Variants in CYLD observed in about 807,000 individuals in gnomAD.
The protein encoded by CYLD is ubiquitin carboxyl-terminal hydrolase CYLD.
A neutral mutation model predicts 104.5 loss-of-function variants in CYLD; 26 were observed. The ratio of observed to expected loss-of-function variants is 0.25; its 90% CI spans 0.18 to 0.35. CYLD has a LOEUF of 0.35. Among genes scored for constraint, CYLD ranks in the 10% least tolerant of loss-of-function variants. The pLI is 1.00. For synonymous variants in CYLD, 385 were observed against 399.9 expected (o/e 0.96, Z 0.45); for missense variants, 703 against 1,136.1 (o/e 0.62, Z 5.48).
chr16:50,790,397 A>T (rs1971309139), intron 14 of CYLD, among the ~76,000 whole-genome samples: 1 of 152,100 alleles, frequency 6.6e-6, no homozygotes, highest in South Asian at 2.1e-4. Flanking sequence ...TGCCATTATT[A>T]TGATTACAAC....
At chr16:50,782,940 T>C (rs1306353646) in intron 11 of CYLD, among the ~76,000 whole-genome samples, 2 of 145,894 alleles carry the variant, frequency 1.4e-5, no homozygotes, top group Non-Finnish European at 3.0e-5. Flanking sequence ...TTTTTTTTTT[T>C]TTGAGACAGA....
At chr16:50,768,077 G>T (rs1968714652) in intron 5 of CYLD, among the ~76,000 whole-genome samples, 1 of 152,082 alleles carries the variant, frequency 6.6e-6, no homozygotes, top group Non-Finnish European at 1.5e-5. Context: ...AGTTATCATT[G>T]TCATTATTGC....
At chr16:50,771,058 TCTC>T (rs200527746) in intron 5 of CYLD, among the ~76,000 whole-genome samples, 2,313 of 152,260 alleles carry the variant, frequency 0.015, 25 homozygotes, top group Middle Eastern at 0.034. Context: ...TGGAAGATTT[TCTC>T]CTAAGTTTTT....
At chr16:50,780,977 C>T (rs900248474) in intron 9 of CYLD, among the ~76,000 whole-genome samples, 2 of 152,034 alleles carry the variant, frequency 1.3e-5, no homozygotes, top group Non-Finnish European at 2.9e-5. Context: ...CGGGAAAGCC[C>T]GTTTAACCAG....
intron 5 of CYLD, among the ~76,000 whole-genome samples, chr16:50,773,099 A>T (rs1479169545): frequency 6.6e-6 from 1 of 152,208 alleles, no homozygotes; most frequent in African/African-American, 2.4e-5. Context: ...ATTTCTGTGG[A>T]TGTTAAATTC....
Position 50,751,643 on chromosome 16 carries a change from C to G in CYLD, c.544C>G (p.Gln182Glu). 6.2e-7 allele frequency: 1 copy of G among 1,613,480 alleles called. No homozygotes were observed. The highest frequency in any genetic ancestry group is 8.5e-7 in the Non-Finnish European group (1 of 1,179,674). ...TCAAGGTTTCACTGACGGGGTGTACCAAGGGAAACAGCTTTTTCAGTGTGA... is the reference window on the plus strand; with the variant it reads ...TCAAGGTTTCACTGACGGGGTGTACGAAGGGAAACAGCTTTTTCAGTGTGA... ...RGQGFTDGVY[Q>E]GKQLFQCDED... Residue 182 changes from glutamine (Q) to glutamate (E), a missense_variant, in exon 4 of 19, where the codon CAA becomes GAA. By Grantham distance (29) the Gln-to-Glu change is conservative. This residue lies in a region of CYLD where 123 missense variants were observed against 213.3 expected (regional missense o/e 0.58). Coordinates refer to ENST00000427738, the MANE Select transcript of CYLD (RefSeq NM_001378743.1).
chr16:50,780,543 G>C (rs527625437), intron 9 of CYLD, among the ~76,000 whole-genome samples: 3 of 152,126 alleles, frequency 2.0e-5, no homozygotes, highest in Non-Finnish European at 4.4e-5. Context: ...TTTAGAGATG[G>C]GGTCTCACTC....
In CYLD at chr16:50,798,614, G is replaced by GA. The variant is rs74757288; in HGVS notation, c.*2122dup. 0.028 allele frequency: 5,716 copies of GA among 203,012 alleles called. No individual in the cohort carries two copies. The highest frequency in any genetic ancestry group is 0.056 in the East Asian group (822 of 14,678). The allele number at this position is 203,012 out of a possible 1,614,324, so 12.6% of individuals were successfully genotyped here. A position where few individuals can be genotyped will look rare whatever the true frequency, so the allele number is the denominator to read the frequency against. On this transcript the variant is annotated 3_prime_UTR_variant, in exon 19 of 19. Transcript: ENST00000427738. ...TAGGTAAGACTGGATTTAACAGTTGGAAAAAAAAAAAAAAAAGGAGAGAGA... is the reference window on the plus strand; with the variant it reads ...TAGGTAAGACTGGATTTAACAGTTGGAAAAAAAAAAAAAAAAAGGAGAGAGA...
chr16:50,787,879 T>C lies in CYLD; in HGVS notation c.2108+27T>C, dbSNP rs780868624. 24 of 1,301,498 alleles carry C rather than the reference T, an allele frequency of 1.8e-5. No individual in the cohort carries two copies. In the East Asian group the frequency reaches 3.0e-4, roughly 16 times the overall value. 80.6% of individuals were successfully genotyped at this position (1,301,498 alleles called of 1,614,324 possible). A position where few individuals can be genotyped will look rare whatever the true frequency, so the allele number is the denominator to read the frequency against. ...TAACCTTTAAATTGTTCTAGAAGCA[T>C]TGGAAAAATAGACAATTCTCATTTC... is the stretch of plus-strand genomic sequence containing the variant. On this transcript the variant is annotated intron_variant, in intron 14 of 18. Coordinates refer to ENST00000427738, the MANE Select transcript of CYLD (RefSeq NM_001378743.1).
chr16:50,766,542 G>A (rs1197188594), intron 5 of CYLD, among the ~76,000 whole-genome samples: 1 of 152,150 alleles, frequency 6.6e-6, no homozygotes, highest in East Asian at 1.9e-4. Flanking sequence ...AATACATTCT[G>A]TAAGGCTGCC....
chr16:50,781,023 A>G (rs1970171536), intron 9 of CYLD, among the ~76,000 whole-genome samples: 1 of 152,208 alleles, frequency 6.6e-6, no homozygotes, highest in African/African-American at 2.4e-5. Flanking sequence ...AGGAAATACA[A>G]GAAGGACTTC....
Position 50,779,871 on chromosome 16 carries a change from C to G in CYLD, c.1345C>G (p.Leu449Val), listed in dbSNP as rs1256251501. 6.2e-7 allele frequency: 1 copy of G among 1,613,894 alleles called. No homozygotes were observed. Among genetic ancestry groups the G allele is most frequent in the Non-Finnish European group, 8.5e-7 (1 of 1,179,988 alleles). The part of the protein sequence containing the change: ...SLSAQSVMEE[L>V]NTAPVQESPP... The stretch of plus-strand genomic sequence containing the variant: ...GTCAGCCCAGTCTGTAATGGAAGAG[C>G]TAAACACTGCACCCGTCCAAGAGAG... The change falls in exon 9 of 19, where the codon CTA becomes GTA. Residue 449 changes from leucine (L) to valine (V), a missense_variant. Coordinates refer to ENST00000427738, the MANE Select transcript of CYLD (RefSeq NM_001378743.1).
At chr16:50,772,188 C>A (rs1408935868) in intron 5 of CYLD, among the ~76,000 whole-genome samples, 2 of 152,040 alleles carry the variant, frequency 1.3e-5, no homozygotes, top group East Asian at 3.9e-4. Context: ...TTGGTTGGGG[C>A]CTTCTTTTGT....
chr16:50,790,470 T>C (rs1040201048), intron 14 of CYLD, among the ~76,000 whole-genome samples: 3 of 152,130 alleles, frequency 2.0e-5, no homozygotes, highest in African/African-American at 7.2e-5. Context: ...TCCTGTAAAC[T>C]GTTAATTTTC....
intron 5 of CYLD, among the ~76,000 whole-genome samples, chr16:50,772,455 G>A (rs559825633): frequency 6.6e-6 from 1 of 152,292 alleles, no homozygotes; most frequent in South Asian, 2.1e-4. Context: ...AGAAGTAGAA[G>A]TTGCACCTTC....
At chr16:50,775,257 T>C (rs1485068183) in intron 6 of CYLD, 83 bp downstream of exon 6, 2 of 1,022,710 alleles carry the variant, frequency 2.0e-6, no homozygotes, top group East Asian at 2.4e-5. Flanking sequence ...CTGCCTCTTC[T>C]ACATTCCCTT....
intron 5 of CYLD, among the ~76,000 whole-genome samples, chr16:50,767,765 C>T (rs1968679379): frequency 6.6e-6 from 1 of 152,098 alleles, no homozygotes; most frequent in Non-Finnish European, 1.5e-5. Context: ...CTTTCTCCCA[C>T]ACACACACTC....
chr16:50,782,026 C>T (rs1970267718), intron 10 of CYLD, among the ~76,000 whole-genome samples: 1 of 152,170 alleles, frequency 6.6e-6, no homozygotes, highest in Non-Finnish European at 1.5e-5. Context: ...GAAAGTGAAG[C>T]AACTTCAGAT....
At chr16:50,747,786 A>G (rs937528419) in intron 2 of CYLD, among the ~76,000 whole-genome samples, 2 of 152,190 alleles carry the variant, frequency 1.3e-5, no homozygotes, top group Admixed American at 6.5e-5. Context: ...CAAACACACC[A>G]CAAAAAAGAA....
Sources: gnomAD v4.1 joint callset for allele counts (sites outside exome capture counted in the v4.1 genomes callset) on GRCh38, gnomAD v4.1.1 for gene constraint, gnomAD v4.1.1 regional missense constraint, MANE v1.5 for transcripts, NCBI Gene and HGNC (gene_info 2026-07-23, HGNC 2026-07-21) for gene names.